Variants in PREX1 observed in about 807,000 individuals in gnomAD.
The protein encoded by PREX1 is phosphatidylinositol-3,4,5-trisphosphate dependent Rac exchange factor 1, also known as phosphatidylinositol 3,4,5-trisphosphate-dependent Rac exchanger 1 protein.
Under a neutral mutation model 198.3 loss-of-function variants are expected in PREX1, and 41 were observed. The ratio of observed to expected loss-of-function variants is 0.21; its 90% CI spans 0.16 to 0.27. The LOEUF is 0.27. PREX1 is among the 10% of genes least tolerant of loss of function. The pLI is 1.00. For missense variants in PREX1, 1,620 were observed against 2,200.7 expected (o/e 0.74, Z 5.28); for synonymous variants, 843 against 887.2 (o/e 0.95, Z 0.89).
At chr20:48,820,891 C>T (rs1392360865) in intron 1 of PREX1, among the ~76,000 whole-genome samples, 1 of 152,206 alleles carries the variant, frequency 6.6e-6, no homozygotes, top group Non-Finnish European at 1.5e-5. Flanking sequence ...GAAATGACCC[C>T]GTGAAACCTC....
chr20:48,660,315 G>A (rs752398683), intron 15 of PREX1, among the ~76,000 whole-genome samples: 2 of 152,214 alleles, frequency 1.3e-5, no homozygotes, highest in Non-Finnish European at 2.9e-5. Flanking sequence ...ATTTTACAAA[G>A]CCATAGTAAC....
Position 48,785,958 on chromosome 20 carries a change from G to A in PREX1, c.220-38078C>T, listed in dbSNP as rs147863248. ...CCACAGGGCAGAAAGAGCCGGGATG[G>A]ATGGGCCGGTGCCTTCCAGCAGGGG... On this transcript the variant is annotated intron_variant, in intron 1 of 39. Coordinates refer to ENST00000371941, the MANE Select transcript of PREX1 (RefSeq NM_020820.4). 8.7e-4 allele frequency among the ~76,000 whole-genome samples: 132 copies of A among 152,330 alleles called. 1 individual carries two copies. Among genetic ancestry groups the A allele is most frequent in the African/African-American group, 3.0e-3 (126 of 41,574 alleles).
At chr20:48,790,698 G>A (rs1047200949) in intron 1 of PREX1, among the ~76,000 whole-genome samples, 3 of 152,128 alleles carry the variant, frequency 2.0e-5, no homozygotes, top group Admixed American at 6.5e-5. Context: ...TGTTAGGCAC[G>A]CCCTAGAGGA....
the PREX1 span, among the ~76,000 whole-genome samples, chr20:48,887,320 C>G: frequency 6.6e-6 from 1 of 152,296 alleles, no homozygotes; most frequent in South Asian, 2.1e-4. Flanking sequence ...CACCTGTAAT[C>G]CCAGCACTTT....
At chr20:48,759,790 G>C (rs1313079981) in intron 1 of PREX1, among the ~76,000 whole-genome samples, 1 of 151,996 alleles carries the variant, frequency 6.6e-6, no homozygotes, top group Non-Finnish European at 1.5e-5. Context: ...GTGCATAGCA[G>C]GTGCTCAAAA....
At chr20:48,875,614 G>C in the PREX1 span, among the ~76,000 whole-genome samples, 1 of 152,198 alleles carries the variant, frequency 6.6e-6, no homozygotes, top group South Asian at 2.1e-4. Context: ...TGGGTATGCA[G>C]CTAAACATTC....
At chr20:48,723,009 C>T (rs184449780) in intron 5 of PREX1, among the ~76,000 whole-genome samples, 298 of 152,354 alleles carry the variant, frequency 2.0e-3, no homozygotes, top group Non-Finnish European at 3.5e-3. Context: ...CCCCTGGCAA[C>T]GTGAATGGAA....
At chr20:48,714,803 T>C (rs1401198679) in intron 5 of PREX1, among the ~76,000 whole-genome samples, 4 of 152,234 alleles carry the variant, frequency 2.6e-5, no homozygotes, top group African/African-American at 4.8e-5. Flanking sequence ...GTTGTGTAAG[T>C]CAGCTTGGGC....
intron 27 of PREX1, 85 bp downstream of exon 27, chr20:48,644,324 G>A (rs1200340478): frequency 1.2e-5 from 14 of 1,156,534 alleles, no homozygotes; most frequent in African/African-American, 3.1e-5. Flanking sequence ...ATAATGCAGA[G>A]GAAAGTATAA....
At chr20:48,796,894 A>T (rs555498994) in intron 1 of PREX1, among the ~76,000 whole-genome samples, 27 of 152,130 alleles carry the variant, frequency 1.8e-4, no homozygotes, top group South Asian at 1.0e-3. Context: ...GTTCAAAAAC[A>T]GGCAAAACTA....
chr20:48,630,292 G>T (rs897991525), intron 36 of PREX1, among the ~76,000 whole-genome samples: 2 of 152,244 alleles, frequency 1.3e-5, no homozygotes, highest in African/African-American at 4.8e-5. Flanking sequence ...GAGCAACGGG[G>T]ACATGTGGCA....
At position 48,660,076 on chromosome 20, in the gene PREX1, A is replaced by G; in HGVS notation, c.1739-15T>C. 6.2e-7 allele frequency: 1 copy of G among 1,612,670 alleles called. No individual in the cohort carries two copies. The highest frequency in any genetic ancestry group is 8.5e-7 in the Non-Finnish European group (1 of 1,179,620). ...CTTCTCCAGCACTGCAGATCCACAGATGTGCACTCAGTGGTCAGATTCACA... is the reference window on the plus strand; with the variant it reads ...CTTCTCCAGCACTGCAGATCCACAGGTGTGCACTCAGTGGTCAGATTCACA... On this transcript the variant is annotated splice_polypyrimidine_tract_variant and intron_variant, in intron 15 of 39. Coordinates refer to ENST00000371941, the MANE Select transcript of PREX1 (RefSeq NM_020820.4).
intron 1 of PREX1, among the ~76,000 whole-genome samples, chr20:48,754,567 G>A (rs567012123): frequency 2.6e-5 from 4 of 152,000 alleles, no homozygotes; most frequent in South Asian, 4.2e-4. Flanking sequence ...GACTGATGCC[G>A]GCAACCTGAT....
chr20:48,685,422 C>T (rs193248491), intron 10 of PREX1, among the ~76,000 whole-genome samples: 49 of 152,374 alleles, frequency 3.2e-4, no homozygotes, highest in Middle Eastern at 6.8e-3. Context: ...ACGATTCCCA[C>T]GAGTCTCACC....
intron 1 of PREX1, among the ~76,000 whole-genome samples, chr20:48,761,887 T>C (rs1601120048): frequency 6.6e-6 from 1 of 152,186 alleles, no homozygotes; most frequent in South Asian, 2.1e-4. Context: ...AAAATCCAAA[T>C]TCCAAGCTTC....
At chr20:48,632,467 G>T in intron 34 of PREX1, 29 bp downstream of exon 34, 1 of 1,613,752 alleles carries the variant, frequency 6.2e-7, no homozygotes, top group Non-Finnish European at 8.5e-7. Context: ...GGCCCCCGTG[G>T]TCCTCCCTGC....
intron 24 of PREX1, 114 bp downstream of exon 24, chr20:48,649,882 G>A: frequency 7.9e-7 from 1 of 1,259,758 alleles, no homozygotes; most frequent in Non-Finnish European, 1.1e-6. Context: ...GGTCATCCCT[G>A]ATGACCATGG....
chr20:48,830,023 C>T (rs1345904640), upstream of PREX1, among the ~76,000 whole-genome samples: 1 of 152,058 alleles, frequency 6.6e-6, no homozygotes, highest in African/African-American at 2.4e-5. Context: ...AGCCGCGTCC[C>T]CTACCCACTA....
chr20:48,642,762 G>GA (rs1192502308), intron 27 of PREX1: 3 of 343,778 alleles, frequency 8.7e-6, no homozygotes. Flanking sequence ...AGGGACTGAG[G>GA]AACAGAGAAA....
Sources: gnomAD v4.1 joint callset for allele counts (sites outside exome capture counted in the v4.1 genomes callset) on GRCh38, gnomAD v4.1.1 for gene constraint, MANE v1.5 for transcripts, NCBI Gene and HGNC (gene_info 2026-07-23, HGNC 2026-07-21) for gene names.